SYNE2: variants seen among roughly 807,000 people sequenced by gnomAD.
SYNE2 encodes the protein nesprin-2.
In SYNE2, 431 loss-of-function variants were observed where a neutral mutation model predicts 856.3. The observed-to-expected ratio is 0.50, with a 90% confidence interval of 0.47 to 0.55. The LOEUF is 0.55. Ranked by LOEUF, SYNE2 falls within the 20% of genes least tolerant of loss-of-function variation. SYNE2 has a pLI of 0.00. For synonymous variants in SYNE2, 2,923 were observed against 2,872.3 expected, an observed-to-expected ratio of 1.02 and a Z score of -0.56; for missense variants, 8,129 against 8,023.2, an observed-to-expected ratio of 1.01 and a Z score of -0.50.
In SYNE2 at chr14:64,025,200, A is replaced by G. The variant is rs1476225050; in HGVS notation, c.6031A>G (p.Ile2011Val). The change falls in exon 41 of 116, where the codon ATA becomes GTA. Residue 2011 changes from isoleucine (I) to valine (V), a missense_variant. This residue lies in a region of SYNE2 where 2,422 missense variants were observed against 2,357.4 expected (regional missense o/e 1.03). Coordinates refer to ENST00000555002, the MANE Select transcript of SYNE2 (RefSeq NM_182914.3). ...KEYGFTEEEE[I>V]IMEATCLMDR... is the part of the protein sequence containing the mutation. ...ATATGGGTTTACTGAAGAAGAAGAAATAATAATGGAAGCAACATGTTTGAT... is the reference window on the plus strand; with the variant it reads ...ATATGGGTTTACTGAAGAAGAAGAAGTAATAATGGAAGCAACATGTTTGAT... 1 of 1,614,038 alleles carries G rather than the reference A, an allele frequency of 6.2e-7. No individual in the cohort carries two copies.
chr14:63,979,130 G>T, intron 14 of SYNE2, 116 bp downstream of exon 14: 1 of 1,044,488 alleles, frequency 9.6e-7, no homozygotes, highest in Non-Finnish European at 1.5e-6. Context: ...GGTTTTCTTG[G>T]TAGATTTCAT....
chr14:63,835,674 A>T (rs1420732334), intron 1 of SYNE2, among the ~76,000 whole-genome samples: 1 of 152,086 alleles, frequency 6.6e-6, no homozygotes, highest in Admixed American at 6.6e-5. Flanking sequence ...CATTTCTTAA[A>T]TATTATTCTT....
intron 68 of SYNE2, among the ~76,000 whole-genome samples, chr14:64,121,442 G>A (rs1172966504): frequency 2.0e-5 from 3 of 152,210 alleles, no homozygotes; most frequent in Non-Finnish European, 4.4e-5. Context: ...AGAATCACTT[G>A]AATCCAGGAG....
intron 1 of SYNE2, among the ~76,000 whole-genome samples, chr14:63,844,764 G>A (rs1890176774): frequency 6.6e-6 from 1 of 152,146 alleles, no homozygotes; most frequent in South Asian, 2.1e-4. Flanking sequence ...AATGGTCCAA[G>A]CCGGGTGTGG....
At chr14:63,868,901 T>C (rs1595312240) in intron 1 of SYNE2, among the ~76,000 whole-genome samples, 2 of 152,256 alleles carry the variant, frequency 1.3e-5, no homozygotes, top group East Asian at 3.8e-4. Context: ...CAACATTCTC[T>C]CTGCCCCTTT....
Position 64,224,463 on chromosome 14 carries a change from C to A in SYNE2, c.20385C>A (p.Asn6795Lys). The change falls in exon 114 of 116, where the codon AAC (asparagine) becomes AAA (lysine). Residue 6795 changes from asparagine to lysine, a missense_variant and splice_region_variant. Physicochemically the swap from Asn to Lys is moderately conservative, Grantham distance 94. Around this residue, in one of 3 missense-constraint regions of SYNE2, gnomAD observed 5,410 missense variants for 5,284.8 expected, o/e 1.02. Transcript: ENST00000555002. ...AACCTTTGGGGTCTGAATTTCAGAA[C>A]CCAGCCTCACCCCTGCCCAGCTTCG... ...QDLMALQGTQ[N>K]PASPLPSFDE... 6.2e-7 allele frequency: 1 copy of A among 1,610,140 alleles called. No homozygotes were observed. The highest frequency in any genetic ancestry group is 8.5e-7 in the Non-Finnish European group (1 of 1,177,710).
At chr14:64,071,987 C>T (rs2097413390) in intron 52 of SYNE2, among the ~76,000 whole-genome samples, 1 of 152,198 alleles carries the variant, frequency 6.6e-6, no homozygotes, top group Admixed American at 6.5e-5. Flanking sequence ...CATTGCACTC[C>T]AGCCTGAAAC....
At chr14:64,084,964 C>G (rs2153617415) in intron 57 of SYNE2, 1 of 702,350 alleles carries the variant, frequency 1.4e-6, no homozygotes, top group Non-Finnish European at 2.6e-6. Flanking sequence ...CTTCTACTTA[C>G]AGACACGTGG....
chr14:64,119,700 C>A, intron 67 of SYNE2, 91 bp downstream of exon 67: 1 of 1,336,168 alleles, frequency 7.5e-7, no homozygotes, highest in Non-Finnish European at 1.0e-6. Context: ...GATGAACCAG[C>A]TACAGAGAAA....
intron 26 of SYNE2, among the ~76,000 whole-genome samples, chr14:63,998,704 G>A (rs534103761): frequency 6.6e-6 from 1 of 152,260 alleles, no homozygotes; most frequent in South Asian, 2.1e-4. Flanking sequence ...TGAGATTATA[G>A]ACACCCGCCA....
At chr14:64,194,620 T>C (rs151225241) in intron 99 of SYNE2, among the ~76,000 whole-genome samples, 1 of 152,270 alleles carries the variant, frequency 6.6e-6, no homozygotes, top group East Asian at 1.9e-4. Flanking sequence ...ATAACGTCTT[T>C]GAAAAGTGAC....
Position 64,133,919 on chromosome 14 carries a change from G to T in SYNE2, c.14515-150G>T. 5.0e-6 allele frequency: 4 copies of T among 807,346 alleles called. No homozygotes were observed. The Admixed American group carries it at 8.7e-5, about 17-fold the overall frequency. The allele number at this position is 807,346 out of a possible 1,614,324, so 50.0% of individuals were successfully genotyped here. On this transcript the variant is annotated intron_variant, in intron 77 of 115. Transcript: ENST00000555002. ...CCATTAGATGCTGAGCGCTTACCAG[G>T]GTGGGGTTACGTCTCTCGAACACAC...
Position 64,175,135 on chromosome 14 carries a change from A to G in SYNE2, c.17427A>G (p.Val5809=). 1 of 1,613,994 alleles carries G rather than the reference A, an allele frequency of 6.2e-7. No homozygotes were observed. Among genetic ancestry groups the G allele is most frequent in the South Asian group, 1.1e-5 (1 of 91,084 alleles). The change falls in exon 95 of 116, where the codon GTA becomes GTG. Residue 5809 remains valine, a synonymous_variant. Coordinates refer to ENST00000555002, the MANE Select transcript of SYNE2 (RefSeq NM_182914.3). ...AEMIKQFQST[V]ETWDQCEKKI... is the part of the protein sequence containing the mutation. ...TGATTAAGCAGTTCCAGAGCACTGT[A>G]GAGGTAAACTCACCACTTACTTTTC...
intron 1 of SYNE2, among the ~76,000 whole-genome samples, chr14:63,827,638 A>AAAAAAAAC (rs1889493766): frequency 2.0e-5 from 2 of 102,088 alleles, no homozygotes; most frequent in Non-Finnish European, 4.2e-5. Flanking sequence ...AAAAAAAAAA[A>AAAAAAAAC]AAAAAAAAAA....
In SYNE2 at chr14:63,998,894, T is replaced by C; in HGVS notation, c.3354-20T>C. On this transcript the variant is annotated intron_variant, in intron 26 of 115. Transcript: ENST00000555002. ...ATTTTAAAAATTAACTATTGTGATG[T>C]TGCATTTCATTTTGCCCAGGTATGA... 1 of 1,613,500 alleles carries C rather than the reference T, an allele frequency of 6.2e-7. No homozygotes were observed. Among genetic ancestry groups the C allele is most frequent in the Non-Finnish European group, 8.5e-7 (1 of 1,179,632 alleles).
At chr14:63,799,102 A>C (rs1269894937) in intron 1 of SYNE2, among the ~76,000 whole-genome samples, 1 of 152,222 alleles carries the variant, frequency 6.6e-6, no homozygotes, top group African/African-American at 2.4e-5. Context: ...TTTATGAGAC[A>C]GACTTTCGCT....
intron 1 of SYNE2, among the ~76,000 whole-genome samples, chr14:63,841,832 C>CTTTTTTTTTTTTTTTTTTTTTTTCCT (rs34947861): frequency 8.7e-6 from 1 of 115,082 alleles, no homozygotes; most frequent in Non-Finnish European, 1.7e-5. Flanking sequence ...TTCTTTCTTT[C>CTTTTTTTTTTTTTTTTTTTTTTTCCT]TTTTTTTTTT....
Position 64,002,737 on chromosome 14 carries a change from A to G in SYNE2, c.3804A>G (p.Ile1268Met), listed in dbSNP as rs753563194. 1.4e-5 allele frequency: 22 copies of G among 1,612,864 alleles called. No homozygotes were observed. The highest frequency in any genetic ancestry group is 1.6e-5 in the Non-Finnish European group (19 of 1,179,936). The change falls in exon 30 of 116, where the codon ATA (isoleucine) becomes ATG (methionine). Residue 1268 changes from isoleucine to methionine, a missense_variant. Ile to Met is a conservative substitution (Grantham distance 10). Around this residue, in one of 3 missense-constraint regions of SYNE2, gnomAD observed 2,422 missense variants for 2,357.4 expected, o/e 1.03. Coordinates refer to ENST00000555002, the MANE Select transcript of SYNE2 (RefSeq NM_182914.3). ...TATTTTAGAATATCCAAGATTCCAT[A>G]GCAAAACAGATTGAAATATGTAACC... ...YQHLRNIQDS[I>M]AKQIEICNRL...
upstream of SYNE2, among the ~76,000 whole-genome samples, chr14:63,852,233 C>G (rs1595176494): frequency 6.6e-6 from 1 of 152,186 alleles, no homozygotes; most frequent in South Asian, 2.1e-4. Context: ...TTTGGAACTT[C>G]AAGTGCCTTA....
Sources: gnomAD v4.1 joint callset for allele counts (sites outside exome capture counted in the v4.1 genomes callset) on GRCh38, gnomAD v4.1.1 for gene constraint, gnomAD v4.1.1 regional missense constraint, MANE v1.5 for transcripts, NCBI Gene and HGNC (gene_info 2026-07-23, HGNC 2026-07-21) for gene names.